Variants in NEXN observed in about 807,000 individuals in gnomAD.
NEXN encodes nexilin F-actin binding protein, also known as nexilin.
Under a neutral mutation model 92.6 loss-of-function variants are expected in NEXN, and 65 were observed. The ratio of observed to expected loss-of-function variants is 0.70; its 90% CI spans 0.57 to 0.86. NEXN has a LOEUF of 0.86. Among genes scored for constraint, NEXN ranks in the 40% least tolerant of loss-of-function variants. The pLI, the probability that NEXN is intolerant of heterozygous loss-of-function variation, is 0.00. For synonymous variants in NEXN, 254 were observed against 242.5 expected (o/e 1.05, Z -0.44); for missense variants, 778 against 771.1 (o/e 1.01, Z -0.11).
At chr1:77,919,980 A>G (rs950675087) in intron 5 of NEXN, among the ~76,000 whole-genome samples, 4 of 151,288 alleles carry the variant, frequency 2.6e-5, no homozygotes, top group African/African-American at 9.7e-5. Flanking sequence ...GCTCACTGCA[A>G]CCTCTGCCTC....
At chr1:77,930,219 C>G (rs1358814061) in intron 9 of NEXN, among the ~76,000 whole-genome samples, 1 of 152,192 alleles carries the variant, frequency 6.6e-6, no homozygotes, top group Non-Finnish European at 1.5e-5. Context: ...CACATATGTC[C>G]AAGTGTTTAT....
At chr1:77,900,722 C>T (rs1393625400) in intron 1 of NEXN, among the ~76,000 whole-genome samples, 5 of 152,140 alleles carry the variant, frequency 3.3e-5, no homozygotes. Flanking sequence ...ATCATCCCAG[C>T]CTTCTCTATT....
intron 1 of NEXN, among the ~76,000 whole-genome samples, chr1:77,895,029 ATTTTTTTTTTTT>A (rs559226754): frequency 0.022 from 1,384 of 61,682 alleles, 29 homozygotes; most frequent in African/African-American, 0.072. Context: ...CTATAGTGTA[ATTTTTTTTTTTT>A]TTTTTTTTTT....
intron 5 of NEXN, among the ~76,000 whole-genome samples, chr1:77,922,925 TA>T: frequency 6.6e-6 from 1 of 151,002 alleles, no homozygotes; most frequent in Non-Finnish European, 1.5e-5. Context: ...ACTATGAAAA[TA>T]AACTATTAAA....
chr1:77,896,577 T>C (rs1647267894), intron 1 of NEXN, among the ~76,000 whole-genome samples: 2 of 151,954 alleles, frequency 1.3e-5, no homozygotes, highest in Admixed American at 1.3e-4. Flanking sequence ...CTGGCCAATA[T>C]GGTGAAACCC....
chr1:77,923,889 G>C (rs1649640530), intron 5 of NEXN, among the ~76,000 whole-genome samples: 1 of 151,718 alleles, frequency 6.6e-6, no homozygotes, highest in African/African-American at 2.4e-5. Flanking sequence ...TGTTGGGCAG[G>C]ATGGTCTTGA....
At chr1:77,890,914 T>C (rs1647092575) in intron 1 of NEXN, among the ~76,000 whole-genome samples, 1 of 152,166 alleles carries the variant, frequency 6.6e-6, no homozygotes, top group Non-Finnish European at 1.5e-5. Flanking sequence ...ACACAGAACA[T>C]CTTGGTAGTT....
rs747265816 is a variant in NEXN, at chr1:77,918,200, G to A, written c.374G>A (p.Arg125Gln). The A allele has an allele frequency of 2.5e-6, 4 of 1,614,082 alleles. No homozygotes were observed. Among genetic ancestry groups the A allele is most frequent in the African/African-American group, 1.3e-5 (1 of 75,026 alleles). ...CAAAGGAAGAGAACGGAGGAGGAAC[G>A]AAAACGCAGAATTGAGCAGGATATG... ...EEQRKRTEEE[R>Q]KRRIEQDMLE... Residue 125 changes from arginine (R) to glutamine (Q), a missense_variant, in exon 5 of 13, where the codon CGA becomes CAA. By Grantham distance (43) the Arg-to-Gln change is conservative. Coordinates refer to ENST00000334785, the MANE Select transcript of NEXN (RefSeq NM_144573.4).
chr1:77,916,001 C>G, intron 1 of NEXN, 54 bp from the exon 2 acceptor site: 1 of 557,750 alleles, frequency 1.8e-6, no homozygotes, highest in African/African-American at 2.0e-5. Context: ...TATAAAAATA[C>G]ATAATATATT....
At chr1:77,890,177 T>C (rs1166519091) in intron 1 of NEXN, among the ~76,000 whole-genome samples, 2 of 152,156 alleles carry the variant, frequency 1.3e-5, no homozygotes, top group Admixed American at 1.3e-4. Flanking sequence ...TTCCTTACAA[T>C]TAACACCGTA....
At chr1:77,916,256 G>T in intron 2 of NEXN, 123 bp downstream of exon 2, 1 of 587,028 alleles carries the variant, frequency 1.7e-6, no homozygotes, top group Admixed American at 2.6e-5. Flanking sequence ...ATAACATAAT[G>T]GCAAGATGTA....
intron 1 of NEXN, among the ~76,000 whole-genome samples, chr1:77,895,766 G>A (rs897668825): frequency 2.0e-5 from 3 of 152,198 alleles, no homozygotes; most frequent in Admixed American, 1.3e-4. Flanking sequence ...TTAGGAGGCT[G>A]AGGCATGAGA....
Position 77,895,244 on chromosome 1 carries a change from G to A in NEXN, c.-53+6485G>A, listed in dbSNP as rs1390830508. ...GTATTTTTAGTAGAGATGGGGTTTC[G>A]CCGTGTTAGCCAGGATGGTCTCGAT... On this transcript the variant is annotated intron_variant, in intron 1 of 12. Coordinates refer to ENST00000334785, the MANE Select transcript of NEXN (RefSeq NM_144573.4). Among the ~76,000 whole-genome samples the A allele has an allele frequency of 2.6e-5, 4 of 151,154 alleles. No homozygotes were observed. In the East Asian group the frequency reaches 5.9e-4, roughly 22 times the overall value.
chr1:77,924,361 C>CA (rs5775431), intron 5 of NEXN: 105,462 of 148,494 alleles, frequency 0.71, 38,308 homozygotes, highest in Non-Finnish European at 0.81. Context: ...GACTCCATCT[C>CA]AAAAAAAAAA....
chr1:77,902,114 G>A (rs929843163), intron 1 of NEXN, among the ~76,000 whole-genome samples: 2 of 151,928 alleles, frequency 1.3e-5, no homozygotes, highest in African/African-American at 2.4e-5. Context: ...TTCAATAAAT[G>A]TTTCTTGAAA....
chr1:77,909,530 C>T (rs1648399432), intron 1 of NEXN, among the ~76,000 whole-genome samples: 1 of 152,122 alleles, frequency 6.6e-6, no homozygotes, highest in African/African-American at 2.4e-5. Context: ...ATTTTTATCT[C>T]AGGCACATAA....
At chr1:77,938,139 T>C (rs1011899162) in intron 11 of NEXN, among the ~76,000 whole-genome samples, 19 of 152,148 alleles carry the variant, frequency 1.2e-4, no homozygotes, top group African/African-American at 3.9e-4. Flanking sequence ...TTGACACAAA[T>C]GGAGATGCTG....
In NEXN at chr1:77,943,819, GTTTTATA is replaced by G. The variant is rs1651625273; in HGVS notation, c.*996_*1002del. The G allele has an allele frequency of 6.6e-6, 1 of 152,622 alleles. No homozygotes were observed. The highest frequency in any genetic ancestry group is 1.5e-5 in the Non-Finnish European group (1 of 68,368). 9.5% of individuals were successfully genotyped at this position (152,622 alleles called of 1,614,324 possible). On this transcript the variant is annotated 3_prime_UTR_variant, in exon 13 of 13. Transcript: ENST00000334785. The stretch of plus-strand genomic sequence containing the variant: ...ATTAGCTATTACGTTCTATTAAGTT[GTTTTATA>G]TTTTAATTTTCTGGAAGACAATTTT...
At chr1:77,931,412 CAAAAAAAAAAAAAAAAAAA>C (rs138490881) in intron 9 of NEXN, among the ~76,000 whole-genome samples, 1 of 57,566 alleles carries the variant, frequency 1.7e-5, no homozygotes, top group Admixed American at 3.0e-4. Context: ...GACTCCGTCT[CAAAAAAAAAAAAAAAAAAA>C]AAAAAAAAAA....
Sources: allele counts gnomAD v4.1 joint callset (sites outside exome capture counted in the v4.1 genomes callset), GRCh38; gene constraint gnomAD v4.1.1; transcripts MANE v1.5; gene names NCBI Gene and HGNC (gene_info 2026-07-23, HGNC 2026-07-21).